The following PHACTR3 variants were observed in gnomAD, a reference collection of about 807,000 sequenced individuals.
The protein encoded by PHACTR3 is phosphatase and actin regulator 3, also known as protein phosphatase 1, regulatory subunit 123.
In PHACTR3, 16 loss-of-function variants were observed where a neutral mutation model predicts 66.8. That is an observed-to-expected ratio of 0.24 (90% CI 0.16 to 0.36). The LOEUF (loss-of-function observed/expected upper bound fraction) is 0.36, where lower values mean the gene tolerates loss of function less well. Ranked by LOEUF, PHACTR3 falls within the 10% of genes least tolerant of loss-of-function variation. The pLI, the probability that PHACTR3 is intolerant of heterozygous loss-of-function variation, is 1.00. For missense variants in PHACTR3, 647 were observed against 719.9 expected, an observed-to-expected ratio of 0.90 and a Z score of 1.16; for synonymous variants, 323 against 292.1, an observed-to-expected ratio of 1.11 and a Z score of -1.08.
At chr20:59,577,575 G>C (rs562079106) in exon 1 of PHACTR3, 4 of 1,206,682 alleles carry the variant, frequency 3.3e-6, no homozygotes, top group Admixed American at 4.4e-5. Context: ...GGGCGCCTTC[G>C]GGGCCCGGGA....
At chr20:59,702,273 T>C (rs1035921360) in intron 1 of PHACTR3, among the ~76,000 whole-genome samples, 1 of 152,200 alleles carries the variant, frequency 6.6e-6, no homozygotes, top group Non-Finnish European at 1.5e-5. Flanking sequence ...ATCACCTCCC[T>C]GTCTGGCCTC....
intron 5 of PHACTR3, among the ~76,000 whole-genome samples, chr20:59,770,361 T>A (rs1301566703): frequency 1.3e-5 from 2 of 152,210 alleles, no homozygotes; most frequent in Non-Finnish European, 2.9e-5. Flanking sequence ...CTTTTTCCTT[T>A]TCCTTTGGGA....
chr20:59,697,534 T>C (rs1320256028), intron 1 of PHACTR3, among the ~76,000 whole-genome samples: 1 of 152,128 alleles, frequency 6.6e-6, no homozygotes, highest in South Asian at 2.1e-4. Context: ...CATGAGACCA[T>C]TGGTAACTCA....
At chr20:59,631,252 A>G (rs1040051537) in intron 1 of PHACTR3, among the ~76,000 whole-genome samples, 18 of 152,206 alleles carry the variant, frequency 1.2e-4, no homozygotes, top group South Asian at 2.1e-4. Context: ...TGAAACTTCT[A>G]TGTGCATACA....
chr20:59,754,455 G>T (rs1472198351), intron 3 of PHACTR3, among the ~76,000 whole-genome samples: 1 of 152,226 alleles, frequency 6.6e-6, no homozygotes, highest in African/African-American at 2.4e-5. Flanking sequence ...GGCTTCCTCA[G>T]AGTGTGAGAC....
Position 59,747,775 on chromosome 20 carries a change from G to T in PHACTR3, c.298G>T (p.Ala100Ser). The change falls in exon 3 of 13, where the codon GCC (alanine) becomes TCC (serine). Residue 100 changes from alanine to serine, a missense_variant. By Grantham distance (99) the Ala-to-Ser change is moderately conservative. This residue lies in a region of PHACTR3 where 577 missense variants were observed against 571.1 expected (regional missense o/e 1.01). Coordinates refer to ENST00000371015, the MANE Select transcript of PHACTR3 (RefSeq NM_080672.5). ...TTGGGCAGCGCTGGAGAAGAAGATG[G>T]CCGGCAGGCAAGGCCGAGAGGAGCT... ...QTTSALEKKMAGRQGREELIK... is the reference protein window; with the variant it reads ...QTTSALEKKMSGRQGREELIK... The T allele has an allele frequency of 6.2e-7, 1 of 1,614,046 alleles. No homozygotes were observed. The highest frequency in any genetic ancestry group is 2.2e-5 in the East Asian group (1 of 44,884).
upstream of PHACTR3, among the ~76,000 whole-genome samples, chr20:59,601,625 G>A (rs543527147): frequency 6.6e-5 from 10 of 152,314 alleles, no homozygotes; most frequent in Admixed American, 3.3e-4. Flanking sequence ...GGAGATGACC[G>A]ACTTTGAAGT....
At chr20:59,800,968 T>C (rs1159036272) in intron 7 of PHACTR3, among the ~76,000 whole-genome samples, 1 of 152,238 alleles carries the variant, frequency 6.6e-6, no homozygotes, top group Admixed American at 6.5e-5. Context: ...TCTGTCTGGC[T>C]GATGGGAACC....
At chr20:59,697,213 T>G (rs2037330854) in intron 1 of PHACTR3, among the ~76,000 whole-genome samples, 1 of 152,118 alleles carries the variant, frequency 6.6e-6, no homozygotes, top group Admixed American at 6.5e-5. Context: ...CAGCAGCCCT[T>G]CCCCAGAGCC....
At chr20:59,771,331 C>A (rs975911382) in intron 5 of PHACTR3, among the ~76,000 whole-genome samples, 1 of 152,078 alleles carries the variant, frequency 6.6e-6, no homozygotes, top group African/African-American at 2.4e-5. Context: ...CTGTCCTGAG[C>A]AGGAGCAGCC....
Position 59,733,167 on chromosome 20 carries a change from T to TATA in PHACTR3, c.119-9940_119-9939insATA, listed in dbSNP as rs565259359. Among the ~76,000 whole-genome samples the TATA allele has an allele frequency of 1.8e-3, 280 of 152,000 alleles. 2 individuals carry two copies. Among genetic ancestry groups the TATA allele is most frequent in the African/African-American group, 6.3e-3 (262 of 41,432 alleles). On this transcript the variant is annotated intron_variant, in intron 1 of 12. Transcript: ENST00000371015. ...ATAAGCAGTGTGACTATAAGACACT[T>TATA]GTCAAATGGTCTCACTTTGTCCTTG...
intron 4 of PHACTR3, among the ~76,000 whole-genome samples, chr20:59,766,411 G>A (rs1452258854): frequency 1.3e-5 from 2 of 152,232 alleles, no homozygotes; most frequent in Non-Finnish European, 2.9e-5. Context: ...AGGACTTAGG[G>A]ACTGTTGGTC....
intron 8 of PHACTR3, among the ~76,000 whole-genome samples, chr20:59,819,533 C>T (rs912634551): frequency 2.1e-4 from 30 of 142,552 alleles, no homozygotes; most frequent in Admixed American, 1.2e-3. Context: ...GAGACCCTGT[C>T]GTTAAAAAAA....
At chr20:59,638,820 GGGTA>G (rs2034994109) in intron 1 of PHACTR3, among the ~76,000 whole-genome samples, 2 of 146,930 alleles carry the variant, frequency 1.4e-5, no homozygotes, top group Non-Finnish European at 3.0e-5. Flanking sequence ...ACGAATGGAT[GGGTA>G]GATGGATGGA....
chr20:59,705,411 A>C lies in PHACTR3; in HGVS notation c.119-37696A>C, dbSNP rs144580220. ...GAGATTTTTGTTTTCCTGTTAAACTATCTGGTGATTTTGCTAACACTAGAA... is the reference window on the plus strand; with the variant it reads ...GAGATTTTTGTTTTCCTGTTAAACTCTCTGGTGATTTTGCTAACACTAGAA... On this transcript the variant is annotated intron_variant, in intron 1 of 12. Coordinates refer to ENST00000371015, the MANE Select transcript of PHACTR3 (RefSeq NM_080672.5). Among the ~76,000 whole-genome samples the C allele has an allele frequency of 1.2e-3, 179 of 152,290 alleles. 2 individuals carry two copies. The highest frequency in any genetic ancestry group is 4.1e-3 in the African/African-American group (172 of 41,560).
intron 1 of PHACTR3, among the ~76,000 whole-genome samples, chr20:59,647,753 G>A (rs1383589079): frequency 6.6e-6 from 1 of 152,052 alleles, no homozygotes; most frequent in East Asian, 1.9e-4. Flanking sequence ...CCCTAACATG[G>A]TTGCCTAAAT....
At chr20:59,620,636 T>C (rs2034196565) in intron 1 of PHACTR3, among the ~76,000 whole-genome samples, 1 of 152,218 alleles carries the variant, frequency 6.6e-6, no homozygotes, top group African/African-American at 2.4e-5. Context: ...CTAGGTCAGT[T>C]GGACCAATCC....
chr20:59,812,731 C>A (rs532588999), intron 8 of PHACTR3, among the ~76,000 whole-genome samples: 8 of 152,186 alleles, frequency 5.3e-5, no homozygotes, highest in African/African-American at 1.9e-4. Flanking sequence ...ATTTCAGACA[C>A]GTGGAAGCGG....
In PHACTR3 at chr20:59,829,701, C is replaced by G. The variant is rs2042294806; in HGVS notation, c.1329-6804C>G. 6.6e-6 allele frequency among the ~76,000 whole-genome samples: 1 copy of G among 152,250 alleles called. No homozygotes were observed. Among genetic ancestry groups the G allele is most frequent in the Non-Finnish European group, 1.5e-5 (1 of 68,042 alleles). ...CAGGATTGGCATTCCCAGAAAGGAG[C>G]CTCCCAAAATAGCCCGGGCGTCCCC... On this transcript the variant is annotated intron_variant, in intron 8 of 12. Transcript: ENST00000371015. The surrounding 1 kb of genome is among the most constrained non-coding windows in gnomAD (Gnocchi z 4.2).
Sources: allele counts gnomAD v4.1 joint callset (sites outside exome capture counted in the v4.1 genomes callset), GRCh38; gene constraint gnomAD v4.1.1; regional missense constraint gnomAD v4.1.1; non-coding constraint Gnocchi (gnomAD v3.1); transcripts MANE v1.5; gene names NCBI Gene and HGNC (gene_info 2026-07-23, HGNC 2026-07-21).